Variants in EPHA6 observed in about 807,000 individuals in gnomAD.
EPHA6 encodes EPH receptor A6, also known as ephrin type-A receptor 6.
EPHA6 carries 50 observed loss-of-function variants against 112.0 expected under a neutral mutation model. The observed-to-expected ratio is 0.45, with a 90% CI of 0.36 to 0.56. The LOEUF (loss-of-function observed/expected upper bound fraction) is 0.56. EPHA6 is among the 20% of genes least tolerant of loss of function. The probability of loss-of-function intolerance (pLI) is 0.00; values close to 1 mark genes in which losing one functional copy is unlikely to be tolerated. For missense variants in EPHA6, 1,280 were observed against 1,417.4 expected, an observed-to-expected ratio of 0.90 and a Z score of 1.56; for synonymous variants, 529 against 490.7, an observed-to-expected ratio of 1.08 and a Z score of -1.03.
chr3:97,481,984 C>A (rs557317656), intron 9 of EPHA6, among the ~76,000 whole-genome samples: 1 of 152,128 alleles, frequency 6.6e-6, no homozygotes, highest in Admixed American at 6.5e-5. Context: ...CAGCATGAAG[C>A]GATGAAAATA....
rs2078108124 is a variant in EPHA6 at position 97,218,803 on chromosome 3, A to G, written c.1115-7461A>G. 2.6e-5 allele frequency among the ~76,000 whole-genome samples: 4 copies of G among 152,162 alleles called. No homozygotes were observed. The South Asian group carries it at 8.3e-4, about 32-fold the overall frequency. ...CATTCCAGCATTAACCCAAAATTCC[A>G]AGTCCAAAGTCTCATCTGAGAAAAG... On this transcript the variant is annotated intron_variant, in intron 3 of 17. Transcript: ENST00000389672.
intron 2 of EPHA6, among the ~76,000 whole-genome samples, chr3:96,896,101 A>G (rs192708449): frequency 1.3e-5 from 2 of 152,336 alleles, no homozygotes; most frequent in East Asian, 3.9e-4. Flanking sequence ...GCAATGCATG[A>G]CAGTGACAGT....
At chr3:97,575,730 G>T (rs984129777) in intron 11 of EPHA6, among the ~76,000 whole-genome samples, 6 of 152,190 alleles carry the variant, frequency 3.9e-5, no homozygotes, top group Admixed American at 6.5e-5. Context: ...AGGCACATTC[G>T]CATTTTAGAA....
chr3:97,351,350 T>TA (rs2083805999), intron 5 of EPHA6, among the ~76,000 whole-genome samples: 1 of 152,252 alleles, frequency 6.6e-6, no homozygotes, highest in South Asian at 2.1e-4. Context: ...TGTCATCAGA[T>TA]AAATCCTAAG....
intron 14 of EPHA6, among the ~76,000 whole-genome samples, chr3:97,712,443 G>A (rs1576335388): frequency 1.3e-5 from 2 of 152,298 alleles, no homozygotes; most frequent in Middle Eastern, 6.8e-3. Context: ...ACCATAAGAA[G>A]TGATAGGTTG....
At chr3:96,978,687 C>G (rs2042628257) in intron 2 of EPHA6, among the ~76,000 whole-genome samples, 2 of 152,182 alleles carry the variant, frequency 1.3e-5, no homozygotes, top group South Asian at 4.1e-4. Context: ...TCAAACATCA[C>G]AAACTCAGTG....
intron 3 of EPHA6, among the ~76,000 whole-genome samples, chr3:96,991,727 T>C (rs1040088933): frequency 6.6e-5 from 10 of 152,186 alleles, no homozygotes; most frequent in African/African-American, 2.4e-4. Flanking sequence ...CAATATAGCA[T>C]GTTGAAATCA....
At chr3:96,946,378 A>G (rs546110994) in intron 2 of EPHA6, among the ~76,000 whole-genome samples, 30 of 151,678 alleles carry the variant, frequency 2.0e-4, no homozygotes, top group African/African-American at 6.8e-4. Context: ...CCTGTGTCCA[A>G]GTGTTCTCAT....
chr3:97,250,309 G>A (rs766978988), intron 5 of EPHA6, among the ~76,000 whole-genome samples: 19 of 152,088 alleles, frequency 1.2e-4, no homozygotes, highest in Admixed American at 7.9e-4. Flanking sequence ...ATTTTTCTCC[G>A]TGATCATACA....
rs571097961 is a variant in EPHA6, at chr3:97,012,022, G to T, written c.1114+24029G>T. Among the ~76,000 whole-genome samples, 4 of 152,166 alleles carry T rather than the reference G, an allele frequency of 2.6e-5. No homozygotes were observed. The South Asian group carries it at 8.3e-4, about 32-fold the overall frequency. ...TTTTGTGGCTGCATAGTACTCCATG[G>T]TACATATATACCATATTTTCTTTAT... On this transcript the variant is annotated intron_variant, in intron 3 of 17. Coordinates refer to ENST00000389672, the MANE Select transcript of EPHA6 (RefSeq NM_001080448.3).
At chr3:97,170,754 GA>G (rs10714526) in intron 3 of EPHA6, among the ~76,000 whole-genome samples, 54,881 of 150,432 alleles carry the variant, frequency 0.36, 11,279 homozygotes, top group African/African-American at 0.56. Flanking sequence ...AAAAAGAAAA[GA>G]AAAAAAAAGA....
chr3:97,545,505 T>C (rs930109663), intron 11 of EPHA6, among the ~76,000 whole-genome samples: 2 of 152,212 alleles, frequency 1.3e-5, no homozygotes, highest in African/African-American at 4.8e-5. Flanking sequence ...AATTTTGGAA[T>C]AGGTGTCGTG....
chr3:97,718,107 T>C (rs914536986), intron 14 of EPHA6, among the ~76,000 whole-genome samples: 10 of 152,316 alleles, frequency 6.6e-5, no homozygotes, highest in South Asian at 2.1e-4. Flanking sequence ...TCGGGTCAAA[T>C]TGACAAATTT....
At chr3:97,242,483 T>C (rs752523180) in intron 4 of EPHA6, among the ~76,000 whole-genome samples, 1 of 151,928 alleles carries the variant, frequency 6.6e-6, no homozygotes, top group Non-Finnish European at 1.5e-5. Context: ...CACCTGTCTT[T>C]CTAATTTTTG....
At chr3:96,909,456 T>C (rs897820157) in intron 2 of EPHA6, among the ~76,000 whole-genome samples, 2 of 151,954 alleles carry the variant, frequency 1.3e-5, no homozygotes, top group Admixed American at 1.3e-4. Context: ...TTCCTTATCA[T>C]TGGCATTTGG....
chr3:97,201,904 C>T (rs1461249143), intron 3 of EPHA6, among the ~76,000 whole-genome samples: 1 of 152,076 alleles, frequency 6.6e-6, no homozygotes, highest in African/African-American at 2.4e-5. Flanking sequence ...CACATAAGGA[C>T]CAGAATCTTC....
chr3:97,090,315 A>G (rs557507876), intron 3 of EPHA6, among the ~76,000 whole-genome samples: 1 of 152,214 alleles, frequency 6.6e-6, no homozygotes, highest in East Asian at 1.9e-4. Context: ...AAATAGAAAT[A>G]GCATGGTTTG....
At chr3:96,908,911 G>T (rs947271309) in intron 2 of EPHA6, among the ~76,000 whole-genome samples, 2 of 151,906 alleles carry the variant, frequency 1.3e-5, no homozygotes, top group African/African-American at 4.8e-5. Flanking sequence ...GAGTTAATCT[G>T]CTATGAGCCA....
At chr3:97,185,716 T>C (rs1391902314) in intron 3 of EPHA6, among the ~76,000 whole-genome samples, 1 of 152,122 alleles carries the variant, frequency 6.6e-6, no homozygotes, top group Non-Finnish European at 1.5e-5. Flanking sequence ...TTACTGGGTA[T>C]ATACCCAAAG....
Sources: allele counts gnomAD v4.1 joint callset (sites outside exome capture counted in the v4.1 genomes callset), GRCh38; gene constraint gnomAD v4.1.1; transcripts MANE v1.5; gene names NCBI Gene and HGNC (gene_info 2026-07-23, HGNC 2026-07-21).